The following ZMPSTE24 variants were observed in gnomAD, a reference collection of about 807,000 sequenced individuals.
ZMPSTE24 encodes the protein zinc metallopeptidase STE24.
Under a neutral mutation model 56.7 loss-of-function variants are expected in ZMPSTE24, and 48 were observed. The observed-to-expected ratio is 0.85, with a 90% CI of 0.67 to 1.08. The LOEUF (loss-of-function observed/expected upper bound fraction) is 1.08, where lower values mean the gene tolerates loss of function less well. ZMPSTE24 is among the 50% of genes least tolerant of loss of function. The pLI is 0.00. For missense variants in ZMPSTE24, 503 were observed against 548.7 expected (o/e 0.92, Z 0.83); for synonymous variants, 172 against 195.2 (o/e 0.88, Z 0.99).
intron 2 of ZMPSTE24, chr1:40,262,730 C>A: frequency 1.3e-6 from 1 of 786,042 alleles, no homozygotes; most frequent in Non-Finnish European, 1.6e-6. Flanking sequence ...CATGTTTTCC[C>A]TCCATTGCTT....
intron 6 of ZMPSTE24, among the ~76,000 whole-genome samples, chr1:40,281,089 A>T (rs1388408697): frequency 6.6e-6 from 1 of 152,166 alleles, no homozygotes; most frequent in East Asian, 1.9e-4. Flanking sequence ...ACTATAATTG[A>T]ATCATTTGTA....
At chr1:40,265,222 T>C (rs1054953676) in intron 2 of ZMPSTE24, among the ~76,000 whole-genome samples, 1 of 152,222 alleles carries the variant, frequency 6.6e-6, no homozygotes, top group Non-Finnish European at 1.5e-5. Flanking sequence ...TTATAAGTCC[T>C]TAATTATACA....
intron 2 of ZMPSTE24, among the ~76,000 whole-genome samples, chr1:40,266,452 C>T (rs1234402492): frequency 6.6e-6 from 1 of 152,186 alleles, no homozygotes; most frequent in Non-Finnish European, 1.5e-5. Flanking sequence ...TTCCTAGCTC[C>T]TAATGTCCTG....
intron 6 of ZMPSTE24, among the ~76,000 whole-genome samples, chr1:40,280,149 T>C (rs1351891755): frequency 1.3e-5 from 2 of 152,180 alleles, no homozygotes; most frequent in African/African-American, 4.8e-5. Flanking sequence ...GACCGTAGAA[T>C]GGTCGACATT....
chr1:40,277,924 G>A (rs1262047238), intron 6 of ZMPSTE24, among the ~76,000 whole-genome samples: 1 of 128,818 alleles, frequency 7.8e-6, no homozygotes, highest in Non-Finnish European at 1.5e-5. Context: ...AGCAGAGATC[G>A]CACTACTGCC....
At chr1:40,273,384 G>T (rs750429695) in intron 6 of ZMPSTE24, among the ~76,000 whole-genome samples, 1 of 151,048 alleles carries the variant, frequency 6.6e-6, no homozygotes, top group Non-Finnish European at 1.5e-5. Context: ...TGGGCGTGGT[G>T]GTGCGTGCCT....
At position 40,258,316 on chromosome 1, in the gene ZMPSTE24, C is replaced by T. The variant is rs769989299; in HGVS notation, c.45C>T (p.Ala15=). 4 of 1,614,130 alleles carry T rather than the reference C, an allele frequency of 2.5e-6. No homozygotes were observed. The South Asian group carries it at 4.4e-5, about 18-fold the overall frequency. ...TGGACGCTTTGTGGGAGATGCCGGC[C>T]GAGAAGCGTATCTTCGGGGCCGTGC... The part of the protein sequence containing the change: ...ASLDALWEMP[A]EKRIFGAVLL... The change falls in exon 1 of 10, where the codon GCC becomes GCT. Residue 15 remains alanine, a synonymous_variant. Transcript: ENST00000372759.
rs758517977 is a variant in ZMPSTE24 at position 40,259,752 on chromosome 1, A to G, written c.124-1087A>G. On this transcript the variant is annotated intron_variant, in intron 1 of 9. Transcript: ENST00000372759. Reference sequence around the variant, plus strand: ...CAGCCTTCTGAGTTGCTAGGACCACAGGTGCGGATCACTGTGCCTGGCTAA... The same window carrying G: ...CAGCCTTCTGAGTTGCTAGGACCACGGGTGCGGATCACTGTGCCTGGCTAA... Among the ~76,000 whole-genome samples the G allele has an allele frequency of 3.2e-4, 48 of 152,124 alleles. 1 individual carries two copies. Among genetic ancestry groups the G allele is most frequent in the Admixed American group, 1.1e-3 (17 of 15,264 alleles).
In ZMPSTE24 at chr1:40,280,081, C is replaced by T. The variant is rs375911942; in HGVS notation, c.770-1262C>T. Among the ~76,000 whole-genome samples, 13 of 152,220 alleles carry T rather than the reference C, an allele frequency of 8.5e-5. 1 individual carries two copies. Among genetic ancestry groups the T allele is most frequent in the East Asian group, 3.9e-4 (2 of 5,180 alleles). ...TTTTAATTTTTATTTTCGCTTAGCT[C>T]ATGAAGCACCCACTTATCAGGCTTT... On this transcript the variant is annotated intron_variant, in intron 6 of 9. Transcript: ENST00000372759.
At chr1:40,258,615 C>T (rs1355585071) in intron 1 of ZMPSTE24, among the ~76,000 whole-genome samples, 1 of 152,148 alleles carries the variant, frequency 6.6e-6, no homozygotes, top group Non-Finnish European at 1.5e-5. Flanking sequence ...GACCCAATCC[C>T]TTTAGGGCCT....
intron 4 of ZMPSTE24, 152 bp from the exon 5 acceptor site, chr1:40,269,823 G>A: frequency 3.5e-6 from 3 of 869,104 alleles, no homozygotes; most frequent in Non-Finnish European, 5.2e-6. Flanking sequence ...TTTACCCATT[G>A]TCTTAAGCTG....
chr1:40,262,385 T>C (rs1643505948), intron 2 of ZMPSTE24, among the ~76,000 whole-genome samples: 1 of 152,228 alleles, frequency 6.6e-6, no homozygotes, highest in Admixed American at 6.5e-5. Flanking sequence ...TACACAGCTA[T>C]TGCTATTAAG....
At chr1:40,282,056 A>G (rs1569652208) in intron 7 of ZMPSTE24, among the ~76,000 whole-genome samples, 1 of 152,310 alleles carries the variant, frequency 6.6e-6, no homozygotes, top group African/African-American at 2.4e-5. Context: ...TATGAAATGT[A>G]TACTCTGTGC....
intron 6 of ZMPSTE24, among the ~76,000 whole-genome samples, chr1:40,272,249 T>G (rs185800330): frequency 9.8e-5 from 15 of 152,338 alleles, no homozygotes; most frequent in African/African-American, 3.6e-4. Flanking sequence ...TGATACCAAA[T>G]CCTGCTCTTG....
rs924847414 is a variant in ZMPSTE24 at position 40,292,749 on chromosome 1, C to CT, written c.*88dup. ...TGTTCCAGCTCTTGATGTTTTTAAA[C>CT]TTTTTTTTAGAAGAAAAATTAAGTA... On this transcript the variant is annotated 3_prime_UTR_variant, in exon 10 of 10. Transcript: ENST00000372759. 51 of 1,387,784 alleles carry CT rather than the reference C, an allele frequency of 3.7e-5. 1 individual carries two copies. Among genetic ancestry groups the CT allele is most frequent in the South Asian group, 1.4e-4 (11 of 80,476 alleles). 86.0% of individuals were successfully genotyped at this position (1,387,784 alleles called of 1,614,324 possible).
chr1:40,268,583 G>A lies in ZMPSTE24; in HGVS notation c.474+48G>A, dbSNP rs369701282. 1.1e-5 allele frequency: 14 copies of A among 1,266,130 alleles called. No homozygotes were observed. In the East Asian group the frequency reaches 3.0e-4, roughly 27 times the overall value. 78.4% of individuals were successfully genotyped at this position (1,266,130 alleles called of 1,614,324 possible). A position where few individuals can be genotyped will look rare whatever the true frequency, so the allele number is the denominator to read the frequency against. ...TCTCTTTTAAATGTGAAAAACTTCT[G>A]TGCTTTTGTCCTGTACTGTTTATAA... is the stretch of plus-strand genomic sequence containing the variant. On this transcript the variant is annotated intron_variant, in intron 4 of 9. Coordinates refer to ENST00000372759, the MANE Select transcript of ZMPSTE24 (RefSeq NM_005857.5).
At position 40,283,760 on chromosome 1, in the gene ZMPSTE24, T is replaced by G. The variant is rs377074274; in HGVS notation, c.955-2165T>G. Among the ~76,000 whole-genome samples the G allele has an allele frequency of 7.9e-5, 12 of 152,130 alleles. 1 individual carries two copies. Among genetic ancestry groups the G allele is most frequent in the East Asian group, 3.9e-4 (2 of 5,180 alleles). On this transcript the variant is annotated intron_variant, in intron 7 of 9. Transcript: ENST00000372759. ...AATTTTCTGAAATTATTTTGTTGATTTTTCTCCTCTCCATTTTTTAAATTC... is the reference window on the plus strand; with the variant it reads ...AATTTTCTGAAATTATTTTGTTGATGTTTCTCCTCTCCATTTTTTAAATTC...
rs754673107 is a variant in ZMPSTE24, at chr1:40,283,939, CTTTTTTT to C, written c.955-1975_955-1969del. ...TCCTTTATTGTATTGAACTTTCTTT[CTTTTTTT>C]TTTTTTTTTTGAGATGTAGTCTTGC... is the stretch of plus-strand genomic sequence containing the variant. On this transcript the variant is annotated intron_variant, in intron 7 of 9. Transcript: ENST00000372759. Among the ~76,000 whole-genome samples, 603 of 133,134 alleles carry C rather than the reference CTTTTTTT, an allele frequency of 4.5e-3. 5 individuals carry two copies. Among genetic ancestry groups the C allele is most frequent in the African/African-American group, 0.017 (591 of 34,746 alleles). 87.3% of individuals were successfully genotyped at this position (133,134 alleles called of 152,430 possible).
At chr1:40,277,085 CTTT>C (rs574397138) in intron 6 of ZMPSTE24, among the ~76,000 whole-genome samples, 6 of 130,062 alleles carry the variant, frequency 4.6e-5, no homozygotes, top group Non-Finnish European at 6.6e-5. Context: ...TACAGGGATT[CTTT>C]TTTTTTTTTT....
Sources: gnomAD v4.1 joint callset for allele counts (sites outside exome capture counted in the v4.1 genomes callset) on GRCh38, gnomAD v4.1.1 for gene constraint, MANE v1.5 for transcripts, NCBI Gene and HGNC (gene_info 2026-07-23, HGNC 2026-07-21) for gene names.